Variants in CNTN5 observed in about 807,000 individuals in gnomAD.
CNTN5 encodes the protein contactin 5.
CNTN5 carries 77 observed loss-of-function variants against 129.1 expected under a neutral mutation model. That is an observed-to-expected ratio of 0.60 (90% CI 0.50 to 0.72). The LOEUF (loss-of-function observed/expected upper bound fraction) is 0.72. Ranked by LOEUF, CNTN5 falls within the 30% of genes least tolerant of loss-of-function variation. The probability of loss-of-function intolerance (pLI) is 0.00; values close to 1 mark genes in which losing one functional copy is unlikely to be tolerated. For synonymous variants in CNTN5, 509 were observed against 465.6 expected, an observed-to-expected ratio of 1.09 and a Z score of -1.20; for missense variants, 1,478 against 1,328.8, an observed-to-expected ratio of 1.11 and a Z score of -1.75.
At chr11:99,993,630 A>T (rs1206333987) in intron 8 of CNTN5, among the ~76,000 whole-genome samples, 6 of 152,100 alleles carry the variant, frequency 3.9e-5, no homozygotes, top group Non-Finnish European at 8.8e-5. Flanking sequence ...CACTGATCTG[A>T]CAAGAGGTGG....
chr11:99,419,089 AAAC>A (rs1942782159), intron 2 of CNTN5, among the ~76,000 whole-genome samples: 2 of 152,206 alleles, frequency 1.3e-5, no homozygotes, highest in African/African-American at 4.8e-5. Flanking sequence ...GTGCCAAAGT[AAAC>A]AAACAGCAAA....
intron 1 of CNTN5, among the ~76,000 whole-genome samples, chr11:99,279,816 C>T (rs186871146): frequency 4.6e-5 from 7 of 151,508 alleles, no homozygotes; most frequent in South Asian, 2.1e-4. Flanking sequence ...TCAAAAGTAA[C>T]GCAGCTTTTG....
At chr11:99,071,913 G>C (rs143322074) in intron 1 of CNTN5, among the ~76,000 whole-genome samples, 258 of 151,652 alleles carry the variant, frequency 1.7e-3, no homozygotes, top group African/African-American at 5.7e-3. Flanking sequence ...TTTAAGCTAA[G>C]GCATAAAGGT....
chr11:100,061,526 A>G (rs1023643734), intron 10 of CNTN5, 133 bp downstream of exon 10: 3 of 622,092 alleles, frequency 4.8e-6, no homozygotes, highest in South Asian at 2.5e-5. Flanking sequence ...CTTCATTCGT[A>G]TGGTAAGGCA....
At chr11:100,351,057 AC>A (rs1952400195) in intron 24 of CNTN5, among the ~76,000 whole-genome samples, 187 bp downstream of exon 24, 2 of 151,708 alleles carry the variant, frequency 1.3e-5, no homozygotes, top group South Asian at 4.1e-4. Context: ...CAGAATTTCT[AC>A]AAATCTAGAA....
At chr11:99,499,927 CT>C (rs1241779499) in intron 2 of CNTN5, among the ~76,000 whole-genome samples, 1 of 151,994 alleles carries the variant, frequency 6.6e-6, no homozygotes. Flanking sequence ...AAAATATAGG[CT>C]TTGGCAAGAG....
chr11:99,831,494 C>T (rs1021580598), intron 4 of CNTN5, among the ~76,000 whole-genome samples: 4 of 152,144 alleles, frequency 2.6e-5, no homozygotes, highest in Non-Finnish European at 5.9e-5. Context: ...CGGCTGTTGG[C>T]GTTGCAGTTT....
chr11:100,229,447 C>T lies in CNTN5; in HGVS notation c.2005+4635C>T, dbSNP rs138616244. Among the ~76,000 whole-genome samples, 950 of 152,248 alleles carry T rather than the reference C, an allele frequency of 6.2e-3. 5 individuals carry two copies. Among genetic ancestry groups the T allele is most frequent in the Non-Finnish European group, 8.1e-3 (554 of 68,014 alleles). The stretch of plus-strand genomic sequence containing the variant: ...CAAATGGTTGAAAGTAACCTGAAGA[C>T]ACCAGTTTTTACCTGGATAGAAACT... On this transcript the variant is annotated intron_variant, in intron 16 of 24. Coordinates refer to ENST00000524871, the MANE Select transcript of CNTN5 (RefSeq NM_014361.4).
At chr11:99,766,272 C>G (rs543807378) in intron 3 of CNTN5, among the ~76,000 whole-genome samples, 1 of 152,006 alleles carries the variant, frequency 6.6e-6, no homozygotes, top group East Asian at 1.9e-4. Context: ...AACAGGCCTT[C>G]ACTGTCCCAA....
intron 21 of CNTN5, among the ~76,000 whole-genome samples, chr11:100,331,120 AG>A (rs1321043207): frequency 6.6e-6 from 1 of 152,164 alleles, no homozygotes; most frequent in Non-Finnish European, 1.5e-5. Context: ...TATAAACTTA[AG>A]GTAAAAAGGT....
At chr11:99,959,926 CA>C (rs1950897381) in intron 8 of CNTN5, among the ~76,000 whole-genome samples, 3 of 141,102 alleles carry the variant, frequency 2.1e-5, no homozygotes. Context: ...TTTATTTGTC[CA>C]TTTTTTTTTT....
chr11:99,531,945 C>T (rs1215825246), intron 2 of CNTN5, among the ~76,000 whole-genome samples: 3 of 152,100 alleles, frequency 2.0e-5, no homozygotes, highest in Non-Finnish European at 2.9e-5. Context: ...AATATGAGGT[C>T]GGAGAACCCA....
chr11:99,712,724 A>G (rs978182968), intron 3 of CNTN5, among the ~76,000 whole-genome samples: 1 of 152,120 alleles, frequency 6.6e-6, no homozygotes, highest in Non-Finnish European at 1.5e-5. Flanking sequence ...AATACTATTT[A>G]TTAAATAGAG....
intron 6 of CNTN5, among the ~76,000 whole-genome samples, chr11:99,909,721 A>C (rs1303018589): frequency 6.6e-6 from 1 of 152,090 alleles, no homozygotes; most frequent in Non-Finnish European, 1.5e-5. Flanking sequence ...ACAAAAAACG[A>C]AACATCGCAT....
intron 7 of CNTN5, among the ~76,000 whole-genome samples, chr11:99,936,303 C>T (rs924002962): frequency 1.3e-5 from 2 of 152,184 alleles, no homozygotes; most frequent in Admixed American, 1.3e-4. Context: ...AGCAAATGTC[C>T]AGTAAGTTTT....
At chr11:99,278,668 C>A (rs1863559039) in intron 1 of CNTN5, among the ~76,000 whole-genome samples, 1 of 151,614 alleles carries the variant, frequency 6.6e-6, no homozygotes, top group Non-Finnish European at 1.5e-5. Flanking sequence ...GCTATCCGCA[C>A]TTTACCAAGC....
intron 3 of CNTN5, among the ~76,000 whole-genome samples, chr11:99,591,149 G>A: frequency 6.6e-6 from 1 of 152,056 alleles, no homozygotes; most frequent in Non-Finnish European, 1.5e-5. Flanking sequence ...ACGTTTAGTT[G>A]ATCTTTTATC....
chr11:99,945,843 G>A (rs1019903173), intron 7 of CNTN5, among the ~76,000 whole-genome samples: 4 of 151,900 alleles, frequency 2.6e-5, no homozygotes, highest in Non-Finnish European at 5.9e-5. Context: ...GCTGGAATAC[G>A]AATCTAGGCA....
At chr11:99,490,835 A>G (rs1425124921) in intron 2 of CNTN5, among the ~76,000 whole-genome samples, 1 of 152,110 alleles carries the variant, frequency 6.6e-6, no homozygotes, top group Non-Finnish European at 1.5e-5. Context: ...ACTCCCAAAT[A>G]CTTCTGAGTC....
Sources: allele counts gnomAD v4.1 joint callset (sites outside exome capture counted in the v4.1 genomes callset), GRCh38; gene constraint gnomAD v4.1.1; transcripts MANE v1.5; gene names NCBI Gene and HGNC (gene_info 2026-07-23, HGNC 2026-07-21).